Variants in KLHL1 observed in about 807,000 individuals in gnomAD.
KLHL1 encodes the protein kelch-like protein 1.
In KLHL1, 47 loss-of-function variants were observed where a neutral mutation model predicts 77.7. That is an observed-to-expected ratio of 0.60 (90% confidence interval 0.48 to 0.77). KLHL1 has a LOEUF of 0.77. Among genes scored for constraint, KLHL1 ranks in the 30% least tolerant of loss-of-function variants. The pLI is 0.00. For missense variants in KLHL1, 925 were observed against 910.8 expected (o/e 1.02, Z -0.20); for synonymous variants, 360 against 325.2 (o/e 1.11, Z -1.15).
At chr13:70,071,874 TAATA>T (rs1182456345) in intron 1 of KLHL1, among the ~76,000 whole-genome samples, 1 of 152,036 alleles carries the variant, frequency 6.6e-6, no homozygotes, top group African/African-American at 2.4e-5. Flanking sequence ...GACCTAAAAT[TAATA>T]ATCTATTCTT....
rs548513069 is a variant in KLHL1 at position 69,737,034 on chromosome 13, G to A, written c.1802+3360C>T. Among the ~76,000 whole-genome samples the A allele has an allele frequency of 1.2e-4, 18 of 152,242 alleles. No homozygotes were observed. In the East Asian group the frequency reaches 2.5e-3, roughly 21 times the overall value. Reference sequence around the variant, plus strand: ...TGACTAGGTGGTTGGCGCAACCCACGGAAAGTGAGGAAAAGCATGGTGGAG... The same window carrying A: ...TGACTAGGTGGTTGGCGCAACCCACAGAAAGTGAGGAAAAGCATGGTGGAG... On this transcript the variant is annotated intron_variant, in intron 8 of 10. Transcript: ENST00000377844.
chr13:69,887,048 T>A (rs1881246057), intron 4 of KLHL1, among the ~76,000 whole-genome samples: 1 of 152,182 alleles, frequency 6.6e-6, no homozygotes, highest in South Asian at 2.1e-4. Context: ...GGCTACATCC[T>A]CTGGTTGAGG....
intron 1 of KLHL1, among the ~76,000 whole-genome samples, chr13:70,012,110 G>A (rs1370985527): frequency 1.3e-5 from 2 of 151,974 alleles, no homozygotes; most frequent in African/African-American, 4.8e-5. Context: ...ATCTCCCATC[G>A]AGTCCCTCCC....
intron 9 of KLHL1, among the ~76,000 whole-genome samples, chr13:69,714,865 A>T (rs9572243): frequency 0.52 from 78,011 of 151,402 alleles, 20,799 homozygotes; most frequent in East Asian, 0.67. Flanking sequence ...AGGTGCCAGT[A>T]TTACAGGTGT....
chr13:69,742,354 G>GA (rs1368409002), intron 7 of KLHL1, among the ~76,000 whole-genome samples: 5 of 151,918 alleles, frequency 3.3e-5, no homozygotes, highest in African/African-American at 7.2e-5. Context: ...ATATATTCCG[G>GA]AAAAAAGGAC....
Position 69,927,850 on chromosome 13 carries a change from C to A in KLHL1, c.1014+12190G>T, listed in dbSNP as rs184301037. On this transcript the variant is annotated intron_variant, in intron 4 of 10. Coordinates refer to ENST00000377844, the MANE Select transcript of KLHL1 (RefSeq NM_020866.3). ...TCTAGTAGTTTCTCAGAATGTTAAA[C>A]ATGGAGTTATTGTATAACCATATCA... Among the ~76,000 whole-genome samples the A allele has an allele frequency of 9.3e-4, 141 of 152,262 alleles. 2 individuals carry two copies. Among genetic ancestry groups the A allele is most frequent in the Middle Eastern group, 3.4e-3 (1 of 294 alleles).
chr13:69,787,003 TA>T lies in KLHL1; in HGVS notation c.1639+9734del, dbSNP rs534764656. On this transcript the variant is annotated intron_variant, in intron 7 of 10. Coordinates refer to ENST00000377844, the MANE Select transcript of KLHL1 (RefSeq NM_020866.3). The stretch of plus-strand genomic sequence containing the variant: ...ACAAAACAAACACTGCTCAATGAAA[TA>T]AAAGAGGATACAAACAAATGGAAGA... 3.7e-3 allele frequency among the ~76,000 whole-genome samples: 569 copies of T among 152,156 alleles called. 5 individuals are homozygous for T. The highest frequency in any genetic ancestry group is 6.8e-3 in the Middle Eastern group (2 of 294).
intron 10 of KLHL1, among the ~76,000 whole-genome samples, chr13:69,704,028 C>T (rs920092353): frequency 6.6e-6 from 1 of 151,590 alleles, no homozygotes; most frequent in South Asian, 2.1e-4. Flanking sequence ...TTTTTGGCAA[C>T]TTTCCCAAAG....
chr13:69,758,238 A>G (rs1352478646), intron 7 of KLHL1, among the ~76,000 whole-genome samples: 1 of 152,046 alleles, frequency 6.6e-6, no homozygotes, highest in Non-Finnish European at 1.5e-5. Flanking sequence ...CAAAAGATAA[A>G]CCAATTTTTA....
intron 6 of KLHL1, among the ~76,000 whole-genome samples, chr13:69,809,397 C>T (rs1877763799): frequency 6.6e-6 from 1 of 152,038 alleles, no homozygotes; most frequent in East Asian, 1.9e-4. Context: ...TATTGAGGGC[C>T]CATTTTTAGC....
At chr13:70,039,768 T>G (rs1376081017) in intron 1 of KLHL1, among the ~76,000 whole-genome samples, 1 of 151,582 alleles carries the variant, frequency 6.6e-6, no homozygotes, top group Non-Finnish European at 1.5e-5. Context: ...GCCTCCTGAG[T>G]AGCTGGAACT....
chr13:69,924,037 G>GT (rs1882731539), intron 4 of KLHL1, among the ~76,000 whole-genome samples: 1 of 152,204 alleles, frequency 6.6e-6, no homozygotes, highest in African/African-American at 2.4e-5. Flanking sequence ...ATTCAGCCAC[G>GT]TGTGCACATG....
At chr13:70,061,427 C>CACTTCCAAT (rs1886882188) in intron 1 of KLHL1, among the ~76,000 whole-genome samples, 1 of 151,624 alleles carries the variant, frequency 6.6e-6, no homozygotes, top group Admixed American at 6.6e-5. Context: ...TTATTGGAGT[C>CACTTCCAAT]ACTTCCAATA....
intron 5 of KLHL1, among the ~76,000 whole-genome samples, chr13:69,851,315 A>G (rs1055889196): frequency 6.6e-6 from 1 of 151,790 alleles, no homozygotes; most frequent in African/African-American, 2.4e-5. Flanking sequence ...TTCTTTTACA[A>G]AATTATTTCT....
chr13:69,990,731 A>G (rs990091376), intron 1 of KLHL1, among the ~76,000 whole-genome samples: 8 of 152,012 alleles, frequency 5.3e-5, no homozygotes, highest in African/African-American at 1.9e-4. Flanking sequence ...CCCTGCTGAC[A>G]GTATTAGACA....
chr13:70,055,595 GACT>G (rs1313164517), intron 1 of KLHL1, among the ~76,000 whole-genome samples: 7 of 151,976 alleles, frequency 4.6e-5, no homozygotes, highest in Non-Finnish European at 1.0e-4. Context: ...ATAAAATAAT[GACT>G]ACAACAACTT....
intron 1 of KLHL1, among the ~76,000 whole-genome samples, chr13:70,026,248 G>T (rs1197059363): frequency 1.3e-5 from 2 of 151,868 alleles, no homozygotes; most frequent in Non-Finnish European, 2.9e-5. Flanking sequence ...GTTATAAAAG[G>T]TATATTTATA....
chr13:69,852,888 A>G (rs1481270416), intron 5 of KLHL1, among the ~76,000 whole-genome samples: 1 of 152,032 alleles, frequency 6.6e-6, no homozygotes, highest in Non-Finnish European at 1.5e-5. Context: ...ATATTTATTA[A>G]TCTTGATACC....
intron 3 of KLHL1, among the ~76,000 whole-genome samples, chr13:69,943,777 T>C (rs1374533855): frequency 6.6e-6 from 1 of 152,180 alleles, no homozygotes; most frequent in African/African-American, 2.4e-5. Flanking sequence ...CTTCAACATA[T>C]TGTTTTGACT....
Sources: allele counts gnomAD v4.1 joint callset (sites outside exome capture counted in the v4.1 genomes callset), GRCh38; gene constraint gnomAD v4.1.1; transcripts MANE v1.5; gene names NCBI Gene and HGNC (gene_info 2026-07-23, HGNC 2026-07-21).